DTD1: variants seen among roughly 807,000 people sequenced by gnomAD.
DTD1 encodes the protein D-tyrosyl-tRNA deacylase 1 homolog.
Under a neutral mutation model 25.6 loss-of-function variants are expected in DTD1, and 13 were observed. The observed-to-expected ratio is 0.51, with a 90% CI of 0.33 to 0.81. The LOEUF (loss-of-function observed/expected upper bound fraction) is 0.81, where lower values mean the gene tolerates loss of function less well. Among genes scored for constraint, DTD1 ranks in the 30% least tolerant of loss-of-function variants. The pLI, the probability that DTD1 is intolerant of heterozygous loss-of-function variation, is 0.02. For missense variants in DTD1, 193 were observed against 266.4 expected (o/e 0.72, Z 1.92); for synonymous variants, 110 against 103.6 (o/e 1.06, Z -0.37).
At chr20:18,705,627 AGC>A (rs574183759) in intron 4 of DTD1, among the ~76,000 whole-genome samples, 164 of 152,046 alleles carry the variant, frequency 1.1e-3, no homozygotes, top group African/African-American at 3.7e-3. Context: ...CATGATGGTG[AGC>A]TCAGAGGCAG....
intron 4 of DTD1, among the ~76,000 whole-genome samples, chr20:18,659,484 A>G (rs942026207): frequency 5.3e-5 from 8 of 152,168 alleles, no homozygotes; most frequent in African/African-American, 1.9e-4. Flanking sequence ...AGATTACTTA[A>G]CCATATCTTT....
chr20:18,697,164 G>A (rs1235537834), intron 4 of DTD1, among the ~76,000 whole-genome samples: 3 of 151,686 alleles, frequency 2.0e-5, no homozygotes, highest in Non-Finnish European at 4.4e-5. Context: ...CCTGGGAGGC[G>A]GAGCTTGCAG....
intron 5 of DTD1, among the ~76,000 whole-genome samples, chr20:18,746,928 G>A (rs1022371651): frequency 6.6e-6 from 1 of 152,138 alleles, no homozygotes; most frequent in African/African-American, 2.4e-5. Flanking sequence ...CAGCACTGTG[G>A]TGACCAGCCT....
intron 4 of DTD1, among the ~76,000 whole-genome samples, chr20:18,686,428 T>G (rs2061016668): frequency 6.6e-6 from 1 of 152,262 alleles, no homozygotes; most frequent in South Asian, 2.1e-4. Flanking sequence ...GTTATATTGT[T>G]TTATATATAG....
intron 3 of DTD1, among the ~76,000 whole-genome samples, chr20:18,619,049 T>C (rs1210394807): frequency 2.0e-5 from 3 of 152,148 alleles, no homozygotes; most frequent in Admixed American, 6.5e-5. Flanking sequence ...CTCACTATGT[T>C]GCCCAGGCTG....
intron 4 of DTD1, among the ~76,000 whole-genome samples, chr20:18,713,034 T>C (rs925677165): frequency 3.3e-5 from 5 of 152,272 alleles, no homozygotes; most frequent in African/African-American, 1.2e-4. Flanking sequence ...CAGCCTTCCT[T>C]CTTCCTTTGG....
intron 5 of DTD1, among the ~76,000 whole-genome samples, chr20:18,760,858 C>T (rs902479192): frequency 2.6e-5 from 4 of 152,218 alleles, no homozygotes; most frequent in African/African-American, 7.2e-5. Flanking sequence ...GCAGGCAGGC[C>T]TCCTTGAGCT....
At chr20:18,693,981 G>A (rs1435561022) in intron 4 of DTD1, among the ~76,000 whole-genome samples, 1 of 152,218 alleles carries the variant, frequency 6.6e-6, no homozygotes, top group African/African-American at 2.4e-5. Context: ...GTAGCCTTGT[G>A]TGTCTAGTGA....
At chr20:18,740,479 A>G (rs1397369537) in intron 4 of DTD1, among the ~76,000 whole-genome samples, 1 of 152,178 alleles carries the variant, frequency 6.6e-6, no homozygotes, top group African/African-American at 2.4e-5. Context: ...CAAGTAAGAC[A>G]TACAAGTATG....
At chr20:18,695,362 C>T (rs931901653) in intron 4 of DTD1, among the ~76,000 whole-genome samples, 10 of 148,468 alleles carry the variant, frequency 6.7e-5, no homozygotes, top group Admixed American at 4.0e-4. Flanking sequence ...ATGCAGGTCT[C>T]TGGGAATCTC....
At chr20:18,704,118 A>G (rs2122463967) in intron 4 of DTD1, among the ~76,000 whole-genome samples, 1 of 151,168 alleles carries the variant, frequency 6.6e-6, no homozygotes, top group African/African-American at 2.4e-5. Context: ...CTCCTGCTTC[A>G]GCCTCCTGAG....
chr20:18,671,373 G>T (rs2060950718), intron 4 of DTD1, among the ~76,000 whole-genome samples: 1 of 152,162 alleles, frequency 6.6e-6, no homozygotes, highest in Non-Finnish European at 1.5e-5. Flanking sequence ...TAACTCCCTA[G>T]TGCAGGGCCT....
chr20:18,667,667 G>A (rs1170164401), intron 4 of DTD1, among the ~76,000 whole-genome samples: 1 of 151,696 alleles, frequency 6.6e-6, no homozygotes, highest in Non-Finnish European at 1.5e-5. Flanking sequence ...CAGCAACTAT[G>A]ACATGGATCC....
At chr20:18,641,931 CA>C (rs2060830100) in intron 4 of DTD1, among the ~76,000 whole-genome samples, 1 of 152,140 alleles carries the variant, frequency 6.6e-6, no homozygotes, top group African/African-American at 2.4e-5. Context: ...TCCAAGAAAT[CA>C]TTGCCAAATC....
At chr20:18,756,780 A>T (rs1442610898) in intron 5 of DTD1, among the ~76,000 whole-genome samples, 1 of 152,014 alleles carries the variant, frequency 6.6e-6, no homozygotes, top group Non-Finnish European at 1.5e-5. Flanking sequence ...TATGAACTTT[A>T]AAGTAGTTTT....
chr20:18,645,805 A>G (rs2060848083), intron 4 of DTD1, among the ~76,000 whole-genome samples: 1 of 152,174 alleles, frequency 6.6e-6, no homozygotes, highest in Non-Finnish European at 1.5e-5. Flanking sequence ...TGGGGCTTTG[A>G]TGGGTTCCTT....
chr20:18,753,837 G>C (rs190026582), intron 5 of DTD1, among the ~76,000 whole-genome samples: 83 of 152,088 alleles, frequency 5.5e-4, no homozygotes, highest in Admixed American at 2.9e-3. Flanking sequence ...GTGAAGTCAG[G>C]ACCATCAGCT....
intron 4 of DTD1, among the ~76,000 whole-genome samples, chr20:18,708,285 T>TTA (rs370394388): frequency 8.4e-5 from 3 of 35,734 alleles, no homozygotes; most frequent in Non-Finnish European, 1.6e-4. Flanking sequence ...ATAATATATA[T>TTA]TATATATATA....
intron 4 of DTD1, among the ~76,000 whole-genome samples, chr20:18,734,405 G>A (rs1600396429): frequency 6.6e-6 from 1 of 152,350 alleles, no homozygotes; most frequent in East Asian, 1.9e-4. Context: ...TCCTCTCCCT[G>A]AGTTTGAGTG....
Sources: gnomAD v4.1 joint callset for allele counts (sites outside exome capture counted in the v4.1 genomes callset) on GRCh38, gnomAD v4.1.1 for gene constraint, MANE v1.5 for transcripts, NCBI Gene and HGNC (gene_info 2026-07-23, HGNC 2026-07-21) for gene names.